TTBK1: variants seen among roughly 807,000 people sequenced by gnomAD.
TTBK1 encodes the protein tau tubulin kinase 1.
In TTBK1, 34 loss-of-function variants were observed where a neutral mutation model predicts 108.5. That is an observed-to-expected ratio of 0.31 (90% CI 0.24 to 0.42). The LOEUF is 0.42. TTBK1 is among the 10% of genes least tolerant of loss of function. TTBK1 has a pLI of 1.00. For missense variants in TTBK1, 1,539 were observed against 1,826.0 expected (o/e 0.84, Z 2.86); for synonymous variants, 809 against 795.1 (o/e 1.02, Z -0.29).
At chr6:43,274,151 A>G (rs1777902146) in intron 13 of TTBK1, among the ~76,000 whole-genome samples, 1 of 152,160 alleles carries the variant, frequency 6.6e-6, no homozygotes, top group Non-Finnish European at 1.5e-5. Flanking sequence ...AACTCAATAT[A>G]CATCCCCCAC....
Position 43,263,096 on chromosome 6 carries a change from C to A in TTBK1, c.1732C>A (p.Pro578Thr), listed in dbSNP as rs761268992. ...DEEPEELRPL[P>T]EEGEERRRLG... is the part of the protein sequence containing the mutation. ...GGAGCCCGAGGAGCTGCGGCCACTGCCCGAGGAGGGCGAAGAGCGGCGGCG... is the reference window on the plus strand; with the variant it reads ...GGAGCCCGAGGAGCTGCGGCCACTGACCGAGGAGGGCGAAGAGCGGCGGCG... The change falls in exon 13 of 15, where the codon CCC (proline) becomes ACC (threonine). Residue 578 changes from proline (P) to threonine (T), a missense_variant. Pro to Thr is a conservative substitution (Grantham distance 38). Around this residue, in one of 5 missense-constraint regions of TTBK1, gnomAD observed 1,055 missense variants for 1,086.5 expected, o/e 0.97. Coordinates refer to ENST00000259750, the MANE Select transcript of TTBK1 (RefSeq NM_032538.3). This position sits in a 1 kb window ranked among gnomAD's most constrained non-coding sequence, Gnocchi z 4.7. 1 of 1,570,124 alleles carries A rather than the reference C, an allele frequency of 6.4e-7. No individual in the cohort carries two copies. Among genetic ancestry groups the A allele is most frequent in the Non-Finnish European group, 8.6e-7 (1 of 1,157,296 alleles).
intron 14 of TTBK1, 143 bp from the exon 15 acceptor site, chr6:43,284,840 G>C: frequency 7.5e-7 from 1 of 1,338,172 alleles, no homozygotes; most frequent in South Asian, 1.8e-5. Flanking sequence ...CCAGGCCTCA[G>C]TTTACCCATC....
At chr6:43,267,316 C>G (rs1458138798) in intron 13 of TTBK1, among the ~76,000 whole-genome samples, 1 of 152,158 alleles carries the variant, frequency 6.6e-6, no homozygotes, top group African/African-American at 2.4e-5. Flanking sequence ...ATGGCAGGAC[C>G]TCCCAAATCT....
In TTBK1 at chr6:43,262,896, G is replaced by T. The variant is rs761667946; in HGVS notation, c.1532G>T (p.Arg511Leu). 3 of 1,613,554 alleles carry T rather than the reference G, an allele frequency of 1.9e-6. No homozygotes were observed. The highest frequency in any genetic ancestry group is 2.5e-6 in the Non-Finnish European group (3 of 1,179,856). ...CACGCTGACCGACAGGCCAGTGGCCGCATGGACGTGTCAGCCTCTGTGGAG... is the reference window on the plus strand; with the variant it reads ...CACGCTGACCGACAGGCCAGTGGCCTCATGGACGTGTCAGCCTCTGTGGAG... ...TGHADRQASG[R>L]MDVSASVEQE... is the part of the protein sequence containing the mutation. The change falls in exon 13 of 15, where the codon CGC (arginine) becomes CTC (leucine). Residue 511 changes from arginine to leucine, a missense_variant. Arg to Leu is a moderately radical substitution (Grantham distance 102). This residue lies in a region of TTBK1 where 277 missense variants were observed against 332.4 expected (regional missense o/e 0.83). Transcript: ENST00000259750.
chr6:43,246,709 G>A lies in TTBK1; in HGVS notation c.49G>A (p.Gly17Arg), dbSNP rs751101974. ...TAAGGACGAAACCAACATGAGTGGGGGAGGGGAGCAGGCCGACATCCTGCC... is the reference window on the plus strand; with the variant it reads ...TAAGGACGAAACCAACATGAGTGGGAGAGGGGAGCAGGCCGACATCCTGCC... ...ALKDETNMSG[G>R]GEQADILPAN... Residue 17 changes from glycine to arginine, a missense_variant, in exon 2 of 15, where the codon GGA (glycine) becomes AGA (arginine). Around this residue, in one of 5 missense-constraint regions of TTBK1, gnomAD observed 45 missense variants for 38.0 expected, o/e 1.19. Coordinates refer to ENST00000259750, the MANE Select transcript of TTBK1 (RefSeq NM_032538.3). The A allele has an allele frequency of 1.2e-6, 2 of 1,612,580 alleles. No homozygotes were observed. Among genetic ancestry groups the A allele is most frequent in the South Asian group, 1.1e-5 (1 of 90,904 alleles).
Position 43,259,625 on chromosome 6 carries a change from C to A in TTBK1, c.1343C>A (p.Ser448Tyr). ...GACTCCCCCACAACCCCAGTCCGTT[C>A]TCTGCGCTACCGGAGGGTGAACAGC... is the stretch of plus-strand genomic sequence containing the variant. ...PPDSPTTPVR[S>Y]LRYRRVNSPE... The change falls in exon 12 of 15, where the codon TCT (serine) becomes TAT (tyrosine). Residue 448 changes from serine (S) to tyrosine (Y), a missense_variant. Around this residue, in one of 5 missense-constraint regions of TTBK1, gnomAD observed 277 missense variants for 332.4 expected, o/e 0.83. Transcript: ENST00000259750. This position sits in a 1 kb window ranked among gnomAD's most constrained non-coding sequence, Gnocchi z 6.7. 6.2e-7 allele frequency: 1 copy of A among 1,611,494 alleles called. No homozygotes were observed. Among genetic ancestry groups the A allele is most frequent in the Non-Finnish European group, 8.5e-7 (1 of 1,179,022 alleles).
intron 13 of TTBK1, chr6:43,271,700 CCATTCACAT>C: frequency 1.0e-6 from 1 of 985,326 alleles, no homozygotes; most frequent in African/African-American, 1.7e-5. Flanking sequence ...CTCATCCACA[CCATTCACAT>C]AAGCCACTCC....
Position 43,276,522 on chromosome 6 carries a change from C to T in TTBK1, c.1987-6205C>T, listed in dbSNP as rs1778004944. Reference sequence around the variant, plus strand: ...ACACGCACCCACGCGCACACGGCCGCGCACGGGCGGGGAGGGGGCGCCCCG... The same window carrying T: ...ACACGCACCCACGCGCACACGGCCGTGCACGGGCGGGGAGGGGGCGCCCCG... On this transcript the variant is annotated intron_variant, in intron 13 of 14. Coordinates refer to ENST00000259750, the MANE Select transcript of TTBK1 (RefSeq NM_032538.3). The surrounding 1 kb of genome is among the most constrained non-coding windows in gnomAD (Gnocchi z 5.4). 6.6e-6 allele frequency among the ~76,000 whole-genome samples: 1 copy of T among 152,080 alleles called. No homozygotes were observed. Among genetic ancestry groups the T allele is most frequent in the Non-Finnish European group, 1.5e-5 (1 of 67,994 alleles).
intron 13 of TTBK1, among the ~76,000 whole-genome samples, chr6:43,275,062 C>G (rs986540062): frequency 2.0e-5 from 3 of 152,142 alleles, no homozygotes; most frequent in African/African-American, 4.8e-5. Flanking sequence ...CTCACGCACT[C>G]ACACTCACAC....
At chr6:43,275,374 G>A (rs1368559074) in intron 13 of TTBK1, among the ~76,000 whole-genome samples, 1 of 151,612 alleles carries the variant, frequency 6.6e-6, no homozygotes, top group African/African-American at 2.4e-5. Context: ...CCGTCGCCCC[G>A]CCTTCGCGCC....
chr6:43,248,006 T>C (rs1440925757), intron 2 of TTBK1: 1 of 152,060 alleles, frequency 6.6e-6, no homozygotes, highest in East Asian at 1.9e-4. Flanking sequence ...GGAACGAGGG[T>C]CTGGCGAAGA....
chr6:43,244,857 T>G (rs1777046891), intron 1 of TTBK1, among the ~76,000 whole-genome samples: 1 of 152,110 alleles, frequency 6.6e-6, no homozygotes, highest in African/African-American at 2.4e-5. Context: ...CTCCTCCACC[T>G]TTATTCTAGA....
chr6:43,245,073 G>C (rs1181992895), intron 1 of TTBK1, among the ~76,000 whole-genome samples: 2 of 152,150 alleles, frequency 1.3e-5, no homozygotes, highest in Non-Finnish European at 2.9e-5. Context: ...TTCTCCATAT[G>C]TCCACCATGG....
chr6:43,281,025 A>G lies in TTBK1; in HGVS notation c.1987-1702A>G, dbSNP rs528827941. ...TGCAATAAGTGAGACCAGAGCAGCC[A>G]GTAGTAGCCAGGTCACAGGGCTGGG... On this transcript the variant is annotated intron_variant, in intron 13 of 14. Transcript: ENST00000259750. Among the ~76,000 whole-genome samples, 3 of 152,280 alleles carry G rather than the reference A, an allele frequency of 2.0e-5. No individual in the cohort carries two copies. In the South Asian group the frequency reaches 6.2e-4, roughly 32 times the overall value.
At position 43,285,516 on chromosome 6, in the gene TTBK1, G is replaced by A. The variant is rs1345421117; in HGVS notation, c.*140G>A. The stretch of plus-strand genomic sequence containing the variant: ...GCCCCAGCTTTCCGCCTGCACCCGC[G>A]AGGACGCGCGCGAGCACACGCGGCG... On this transcript the variant is annotated 3_prime_UTR_variant, in exon 15 of 15. Transcript: ENST00000259750. The surrounding 1 kb of genome is among the most constrained non-coding windows in gnomAD (Gnocchi z 4.7). 3.5e-6 allele frequency: 4 copies of A among 1,129,116 alleles called. No individual in the cohort carries two copies. The African/African-American group carries it at 4.9e-5, about 14-fold the overall frequency. The allele number at this position is 1,129,116 out of a possible 1,614,324, so 69.9% of individuals were successfully genotyped here.
intron 13 of TTBK1, among the ~76,000 whole-genome samples, chr6:43,280,397 TA>T (rs1778123742): frequency 6.6e-6 from 1 of 151,780 alleles, no homozygotes; most frequent in Non-Finnish European, 1.5e-5. Flanking sequence ...AGGTGGGAGG[TA>T]GGGGTGGGAG....
chr6:43,261,710 G>A (rs1777543106), intron 12 of TTBK1, among the ~76,000 whole-genome samples: 1 of 151,372 alleles, frequency 6.6e-6, no homozygotes, highest in South Asian at 2.1e-4. Context: ...AGCTACTCAG[G>A]AGGCTGAGGC....
At position 43,276,806 on chromosome 6, in the gene TTBK1, T is replaced by G. The variant is rs1778012706; in HGVS notation, c.1987-5921T>G. On this transcript the variant is annotated intron_variant, in intron 13 of 14. Transcript: ENST00000259750. The surrounding 1 kb of genome is among the most constrained non-coding windows in gnomAD (Gnocchi z 5.4). ...CTGGGACTGAGGGGTGGGCAAGTTC[T>G]GGGTCAGTGGATGAGCTTCGTCCAC... Among the ~76,000 whole-genome samples, 1 of 152,022 alleles carries G rather than the reference T, an allele frequency of 6.6e-6. No individual in the cohort carries two copies.
At chr6:43,266,900 G>T (rs188379122) in intron 13 of TTBK1, among the ~76,000 whole-genome samples, 101 of 152,244 alleles carry the variant, frequency 6.6e-4, no homozygotes, top group African/African-American at 2.4e-3. Flanking sequence ...ACAGGCGTGA[G>T]CCATCGCGCC....
Sources: allele counts gnomAD v4.1 joint callset (sites outside exome capture counted in the v4.1 genomes callset), GRCh38; gene constraint gnomAD v4.1.1; regional missense constraint gnomAD v4.1.1; non-coding constraint Gnocchi (gnomAD v3.1); transcripts MANE v1.5; gene names NCBI Gene and HGNC (gene_info 2026-07-23, HGNC 2026-07-21).